DPP10: variants seen among roughly 807,000 people sequenced by gnomAD.
DPP10 encodes dipeptidyl peptidase like 10, also known as inactive dipeptidyl peptidase 10.
Under a neutral mutation model 120.9 loss-of-function variants are expected in DPP10, and 33 were observed. The observed-to-expected ratio is 0.27, with a 90% CI of 0.21 to 0.37. DPP10 has a LOEUF of 0.37. DPP10 is among the 10% of genes least tolerant of loss of function. The probability of loss-of-function intolerance (pLI) is 1.00; values close to 1 mark genes in which losing one functional copy is unlikely to be tolerated. For synonymous variants in DPP10, 337 were observed against 326.1 expected, an observed-to-expected ratio of 1.03 and a Z score of -0.36; for missense variants, 816 against 942.8, an observed-to-expected ratio of 0.87 and a Z score of 1.76.
At chr2:115,150,350 G>A (rs1464463096) in intron 1 of DPP10, among the ~76,000 whole-genome samples, 1 of 152,044 alleles carries the variant, frequency 6.6e-6, no homozygotes, top group Non-Finnish European at 1.5e-5. Flanking sequence ...TTTTCTAAAG[G>A]AACATCTTCT....
rs553368979 is a variant in DPP10, at chr2:115,289,339, C to T, written c.61-19900C>T. Among the ~76,000 whole-genome samples, 4 of 152,026 alleles carry T rather than the reference C, an allele frequency of 2.6e-5. No individual in the cohort carries two copies. In the East Asian group the frequency reaches 5.8e-4, roughly 22 times the overall value. Reference sequence around the variant, plus strand: ...AACAATGGGAAAAGCATCCCATGCTCATGCATTGGAAGAATCAATATTGTG... The same window carrying T: ...AACAATGGGAAAAGCATCCCATGCTTATGCATTGGAAGAATCAATATTGTG... On this transcript the variant is annotated intron_variant, in intron 1 of 25. Coordinates refer to ENST00000410059, the MANE Select transcript of DPP10 (RefSeq NM_020868.6).
chr2:114,513,285 G>A (rs1684304978), intron 1 of DPP10, among the ~76,000 whole-genome samples: 1 of 152,140 alleles, frequency 6.6e-6, no homozygotes, highest in East Asian at 1.9e-4. Flanking sequence ...CACTTTGGGA[G>A]GCCGAGGCAG....
chr2:115,019,973 T>A (rs1432069839), intron 1 of DPP10, among the ~76,000 whole-genome samples: 1 of 152,200 alleles, frequency 6.6e-6, no homozygotes, highest in Non-Finnish European at 1.5e-5. Context: ...GCTGAGAGAA[T>A]TTCCCACTAC....
intron 1 of DPP10, among the ~76,000 whole-genome samples, chr2:114,908,681 T>C (rs978548061): frequency 4.6e-5 from 7 of 151,858 alleles, no homozygotes; most frequent in African/African-American, 1.7e-4. Context: ...AATAAATCAC[T>C]ATTTCTTAAA....
intron 5 of DPP10, among the ~76,000 whole-genome samples, chr2:115,673,212 G>T (rs1307722553): frequency 6.6e-6 from 1 of 152,010 alleles, no homozygotes; most frequent in African/African-American, 2.4e-5. Flanking sequence ...GATATCCTTT[G>T]TTATACTGTA....
intron 1 of DPP10, among the ~76,000 whole-genome samples, chr2:115,061,400 A>G (rs975632236): frequency 6.6e-6 from 1 of 152,162 alleles, no homozygotes; most frequent in Admixed American, 6.5e-5. Flanking sequence ...TTTGTGATGG[A>G]AAAGGGCTAT....
At chr2:115,100,194 A>C (rs1020277977) in intron 1 of DPP10, among the ~76,000 whole-genome samples, 5 of 152,114 alleles carry the variant, frequency 3.3e-5, no homozygotes, top group African/African-American at 1.2e-4. Flanking sequence ...CCTGTAATCC[A>C]AGCACTTTGG....
At chr2:115,612,942 G>T (rs2084222857) in intron 5 of DPP10, among the ~76,000 whole-genome samples, 1 of 151,716 alleles carries the variant, frequency 6.6e-6, no homozygotes, top group African/African-American at 2.4e-5. Context: ...CTTACCACTA[G>T]GCAGGGTTGA....
At chr2:114,518,982 G>C (rs1383135289) in intron 1 of DPP10, among the ~76,000 whole-genome samples, 1 of 152,132 alleles carries the variant, frequency 6.6e-6, no homozygotes, top group Non-Finnish European at 1.5e-5. Context: ...TTATCTGTTA[G>C]GCTTTAACTT....
At chr2:114,587,030 G>A (rs1434447432) in intron 1 of DPP10, among the ~76,000 whole-genome samples, 4 of 152,126 alleles carry the variant, frequency 2.6e-5, no homozygotes, top group Non-Finnish European at 2.9e-5. Context: ...GGGTGCAGTG[G>A]CTTATGCCTG....
intron 1 of DPP10, among the ~76,000 whole-genome samples, chr2:115,295,969 T>A (rs947857242): frequency 6.6e-6 from 1 of 152,146 alleles, no homozygotes; most frequent in Non-Finnish European, 1.5e-5. Context: ...AATAAATAAA[T>A]GTGTGGAAAA....
intron 1 of DPP10, among the ~76,000 whole-genome samples, chr2:114,759,457 C>T (rs1371848585): frequency 6.7e-6 from 1 of 150,246 alleles, no homozygotes; most frequent in African/African-American, 2.4e-5. Context: ...AAGACGGGTG[C>T]TGTAAATCTT....
intron 5 of DPP10, among the ~76,000 whole-genome samples, chr2:115,657,276 A>G (rs1478596781): frequency 6.6e-6 from 1 of 151,824 alleles, no homozygotes; most frequent in African/African-American, 2.4e-5. Context: ...AAACCTAATT[A>G]ACAGCTGGTG....
chr2:115,272,517 T>C (rs1294141290), intron 1 of DPP10, among the ~76,000 whole-genome samples: 3 of 152,250 alleles, frequency 2.0e-5, no homozygotes, highest in Non-Finnish European at 4.4e-5. Context: ...GATTACTTGT[T>C]AATTTTCAAT....
chr2:114,810,253 G>A (rs1685069543), intron 1 of DPP10, among the ~76,000 whole-genome samples: 1 of 152,136 alleles, frequency 6.6e-6, no homozygotes, highest in African/African-American at 2.4e-5. Context: ...AATAGCTACT[G>A]ATGACAGATA....
intron 1 of DPP10, among the ~76,000 whole-genome samples, chr2:114,811,672 T>C (rs1685184283): frequency 6.6e-6 from 1 of 150,976 alleles, no homozygotes; most frequent in Non-Finnish European, 1.5e-5. Flanking sequence ...CCCACCACCA[T>C]CACCCCTTAC....
chr2:115,434,137 A>G (rs2071260630), intron 3 of DPP10, among the ~76,000 whole-genome samples: 1 of 152,008 alleles, frequency 6.6e-6, no homozygotes, highest in African/African-American at 2.4e-5. Flanking sequence ...TAATTTACAC[A>G]TTAGACAGCA....
intron 5 of DPP10, among the ~76,000 whole-genome samples, chr2:115,618,450 A>G (rs2084692481): frequency 6.6e-6 from 1 of 152,170 alleles, no homozygotes; most frequent in African/African-American, 2.4e-5. Flanking sequence ...GAAAGAGACA[A>G]ATAAGAAGGA....
At chr2:115,134,156 CATG>C (rs1216131514) in intron 1 of DPP10, among the ~76,000 whole-genome samples, 1 of 152,122 alleles carries the variant, frequency 6.6e-6, no homozygotes, top group Non-Finnish European at 1.5e-5. Flanking sequence ...TTTTATGAGA[CATG>C]ATAAAGAACA....
Sources: gnomAD v4.1 joint callset for allele counts (sites outside exome capture counted in the v4.1 genomes callset) on GRCh38, gnomAD v4.1.1 for gene constraint, MANE v1.5 for transcripts, NCBI Gene and HGNC (gene_info 2026-07-23, HGNC 2026-07-21) for gene names.